The following ATF2 variants were observed in gnomAD, a reference collection of about 807,000 sequenced individuals.
ATF2 encodes the protein activating transcription factor 2, also known as cyclic AMP-dependent transcription factor ATF-2.
ATF2 carries 24 observed loss-of-function variants against 60.6 expected under a neutral mutation model. The ratio of observed to expected loss-of-function variants is 0.40; its 90% confidence interval spans 0.29 to 0.56. ATF2 has a LOEUF of 0.56. ATF2 is among the 20% of genes least tolerant of loss of function. The pLI is 0.54. For missense variants in ATF2, 433 were observed against 607.7 expected (o/e 0.71, Z 3.02); for synonymous variants, 206 against 215.4 (o/e 0.96, Z 0.38).
chr2:175,091,506 T>C (rs1037882297), intron 12 of ATF2, among the ~76,000 whole-genome samples: 1 of 151,942 alleles, frequency 6.6e-6, no homozygotes, highest in Non-Finnish European at 1.5e-5. Context: ...GTCTGTACTA[T>C]TAAAAAAAAA....
At chr2:175,122,720 C>T (rs1348604171) in intron 4 of ATF2, among the ~76,000 whole-genome samples, 4 of 151,978 alleles carry the variant, frequency 2.6e-5, no homozygotes, top group Non-Finnish European at 5.9e-5. Context: ...TTTCATATGT[C>T]TGTCCTTTTA....
At chr2:175,124,063 T>C (rs1697151218) in intron 4 of ATF2, among the ~76,000 whole-genome samples, 1 of 116,498 alleles carries the variant, frequency 8.6e-6, no homozygotes, top group Admixed American at 9.7e-5. Context: ...AGAATCTATA[T>C]GAAATGTCTT....
intron 4 of ATF2, among the ~76,000 whole-genome samples, chr2:175,128,841 C>T (rs139196743): frequency 1.3e-5 from 2 of 152,162 alleles, no homozygotes; most frequent in African/African-American, 4.8e-5. Flanking sequence ...AATAAAAAGA[C>T]AACCCAATTT....
chr2:175,167,692 C>CCAAG (rs766661103), intron 1 of ATF2: 7 of 502,526 alleles, frequency 1.4e-5, no homozygotes, highest in Non-Finnish European at 4.1e-6. Context: ...CCCCGAGGAC[C>CCAAG]TCTGAACTGA....
At chr2:175,082,637 A>G (rs114426717) in intron 12 of ATF2, among the ~76,000 whole-genome samples, 6 of 152,290 alleles carry the variant, frequency 3.9e-5, no homozygotes, top group African/African-American at 1.4e-4. Flanking sequence ...AATGATTTTC[A>G]ACTCTCACTG....
chr2:175,141,969 A>G (rs1476414960), intron 2 of ATF2, among the ~76,000 whole-genome samples: 1 of 152,152 alleles, frequency 6.6e-6, no homozygotes, highest in Non-Finnish European at 1.5e-5. Flanking sequence ...TGCTCCCAAG[A>G]TTAGAGGAAG....
chr2:175,094,908 A>T (rs1419535300), intron 11 of ATF2, among the ~76,000 whole-genome samples: 1 of 152,094 alleles, frequency 6.6e-6, no homozygotes, highest in African/African-American at 2.4e-5. Flanking sequence ...GCACCACTGT[A>T]CTCCGCATGG....
intron 7 of ATF2, among the ~76,000 whole-genome samples, chr2:175,116,693 G>A (rs1053959187): frequency 1.5e-4 from 22 of 151,706 alleles, no homozygotes; most frequent in African/African-American, 5.3e-4. Flanking sequence ...CTTGCTCAAG[G>A]AGGGCCTAAT....
chr2:175,076,551 C>A (rs180911751), intron 13 of ATF2, among the ~76,000 whole-genome samples: 1 of 152,088 alleles, frequency 6.6e-6, no homozygotes, highest in East Asian at 1.9e-4. Context: ...TCAACTAGTG[C>A]CCCTCTCCTT....
intron 1 of ATF2, among the ~76,000 whole-genome samples, chr2:175,167,221 A>G (rs1431489095): frequency 6.6e-6 from 1 of 152,106 alleles, no homozygotes; most frequent in Non-Finnish European, 1.5e-5. Flanking sequence ...GAGCGAACAT[A>G]GAAAACACGT....
intron 4 of ATF2, among the ~76,000 whole-genome samples, chr2:175,128,222 T>C (rs1326200910): frequency 1.3e-5 from 2 of 152,176 alleles, no homozygotes; most frequent in Non-Finnish European, 2.9e-5. Flanking sequence ...TTCAACTGGC[T>C]GGGCGCGGTG....
intron 12 of ATF2, 55 bp downstream of exon 12, chr2:175,093,006 A>G: frequency 2.5e-6 from 4 of 1,570,442 alleles, no homozygotes; most frequent in Non-Finnish European, 3.5e-6. Context: ...AAAAAAATCT[A>G]TGTTCACAAT....
At chr2:175,152,438 A>G (rs961725493) in intron 1 of ATF2, among the ~76,000 whole-genome samples, 4 of 152,192 alleles carry the variant, frequency 2.6e-5, no homozygotes, top group African/African-American at 9.6e-5. Context: ...ATGTAAATAA[A>G]TGGTGTGGTC....
Position 175,072,710 on chromosome 2 carries a change from C to G in ATF2, c.*1899G>C, listed in dbSNP as rs1357138906. 3.3e-5 allele frequency: 5 copies of G among 151,802 alleles called. No individual in the cohort carries two copies. The highest frequency in any genetic ancestry group is 1.2e-4 in the African/African-American group (5 of 41,348). 9.4% of individuals were successfully genotyped at this position (151,802 alleles called of 1,614,324 possible). A position where few individuals can be genotyped will look rare whatever the true frequency, so the allele number is the denominator to read the frequency against. On this transcript the variant is annotated 3_prime_UTR_variant, in exon 14 of 14. Coordinates refer to ENST00000264110, the MANE Select transcript of ATF2 (RefSeq NM_001880.4). ...ATATTTTGTGCCTTTGAGATAACTC[C>G]TTAGAATAATGATATCAAAATCATG...
rs766885501 is a variant in ATF2, at chr2:175,111,681, T to A, written c.742-27A>T. 5 of 1,570,602 alleles carry A rather than the reference T, an allele frequency of 3.2e-6. No homozygotes were observed. The Admixed American group carries it at 6.8e-5, about 21-fold the overall frequency. On this transcript the variant is annotated intron_variant, in intron 9 of 13. Coordinates refer to ENST00000264110, the MANE Select transcript of ATF2 (RefSeq NM_001880.4). ...TATGCATGACATAAGGAAAAATAAT[T>A]GCTAGAGAATATATTCAAAATGAGA...
intron 8 of ATF2, 83 bp downstream of exon 8, chr2:175,114,607 G>T: frequency 1.3e-6 from 2 of 1,533,288 alleles, no homozygotes. Flanking sequence ...ATCTTAGTTT[G>T]AATAATCAAA....
In ATF2 at chr2:175,093,278, C is replaced by G. The variant is rs765124240; in HGVS notation, c.979-11G>C. On this transcript the variant is annotated splice_polypyrimidine_tract_variant and intron_variant, in intron 11 of 13. Transcript: ENST00000264110. ...GTGAGCTGGAGAAGCCTATTATAAA[C>G]AGAGATGAAAGCCTGTTATATTTGT... The G allele has an allele frequency of 6.2e-7, 1 of 1,612,180 alleles. No individual in the cohort carries two copies. The highest frequency in any genetic ancestry group is 2.2e-5 in the East Asian group (1 of 44,862).
chr2:175,109,905 TA>T (rs1398542947), intron 10 of ATF2, among the ~76,000 whole-genome samples: 2 of 152,228 alleles, frequency 1.3e-5, no homozygotes, highest in African/African-American at 4.8e-5. Context: ...GGGTCTTCTC[TA>T]ACAATCAATA....
At chr2:175,152,891 C>A (rs925921236) in intron 1 of ATF2, among the ~76,000 whole-genome samples, 3 of 152,186 alleles carry the variant, frequency 2.0e-5, no homozygotes, top group Admixed American at 2.0e-4. Context: ...AGGACCACAT[C>A]TTCTTGATAG....
Sources: gnomAD v4.1 joint callset for allele counts (sites outside exome capture counted in the v4.1 genomes callset) on GRCh38, gnomAD v4.1.1 for gene constraint, MANE v1.5 for transcripts, NCBI Gene and HGNC (gene_info 2026-07-23, HGNC 2026-07-21) for gene names.